The following RPH3AL variants were observed in gnomAD, a reference collection of about 807,000 sequenced individuals.
RPH3AL encodes rab effector Noc2.
A neutral mutation model predicts 43.1 loss-of-function variants in RPH3AL; 38 were observed. The observed-to-expected ratio is 0.88, with a 90% CI of 0.68 to 1.15. The LOEUF is 1.15. Ranked by LOEUF, RPH3AL falls within the 50% of genes most tolerant of loss-of-function variation. The pLI, the probability that RPH3AL is intolerant of heterozygous loss-of-function variation, is 0.00. For synonymous variants in RPH3AL, 189 were observed against 176.3 expected (o/e 1.07, Z -0.57); for missense variants, 462 against 423.2 (o/e 1.09, Z -0.81).
intron 1 of RPH3AL, among the ~76,000 whole-genome samples, chr17:342,544 G>A (rs34839721): frequency 0.3 from 45,261 of 152,118 alleles, 7,873 homozygotes; most frequent in Middle Eastern, 0.39. Context: ...ATGAAGTATC[G>A]ATTCATGCTA....
At position 321,560 on chromosome 17, in the gene RPH3AL, ATGG is replaced by A. The variant is rs1567521564; in HGVS notation, c.78-148_78-146del. 2.4e-5 allele frequency: 18 copies of A among 756,212 alleles called. 1 individual carries two copies. Among genetic ancestry groups the A allele is most frequent in the African/African-American group, 7.8e-5 (3 of 38,370 alleles). 46.8% of individuals were successfully genotyped at this position (756,212 alleles called of 1,614,324 possible). On this transcript the variant is annotated intron_variant, in intron 3 of 9. Transcript: ENST00000331302. ...GGGACGACGAGCGCGGGCAGCAGAGATGGCCCAGGTGGCAACAGAGATGGCCCA... is the reference window on the plus strand; with the variant it reads ...GGGACGACGAGCGCGGGCAGCAGAGACCCAGGTGGCAACAGAGATGGCCCA...
chr17:335,200 G>A (rs1027936607), intron 1 of RPH3AL, among the ~76,000 whole-genome samples: 17 of 152,192 alleles, frequency 1.1e-4, no homozygotes, highest in Non-Finnish European at 1.3e-4. Flanking sequence ...AAGGGGGCCC[G>A]GGTATGAGGG....
At chr17:228,384 AG>A (rs2151511185) in intron 7 of RPH3AL, among the ~76,000 whole-genome samples, 1 of 151,828 alleles carries the variant, frequency 6.6e-6, no homozygotes, top group African/African-American at 2.4e-5. Flanking sequence ...TCGCCTGCGG[AG>A]AGGGGGATGG....
At chr17:319,395 T>G (rs2044394818) in intron 5 of RPH3AL, 25 bp downstream of exon 5, 1 of 1,607,550 alleles carries the variant, frequency 6.2e-7, no homozygotes, top group Non-Finnish European at 8.5e-7. Flanking sequence ...GAAGCCAGAA[T>G]GACAGGGCCA....
At position 333,958 on chromosome 17, in the gene RPH3AL, TA is replaced by T. The variant is rs1220218384; in HGVS notation, c.-212-25del. On this transcript the variant is annotated intron_variant, in intron 1 of 9. Coordinates refer to ENST00000331302, the MANE Select transcript of RPH3AL (RefSeq NM_006987.4). This position sits in a 1 kb window ranked among gnomAD's most constrained non-coding sequence, Gnocchi z 4.5. ...CTCTATTCGCAAAAAAATAAATAAATAAAATAAAATAAAGGGCCTCTTCTTT... is the reference window on the plus strand; with the variant it reads ...CTCTATTCGCAAAAAAATAAATAAATAAATAAAATAAAGGGCCTCTTCTTT... The T allele has an allele frequency of 6.6e-6, 1 of 152,300 alleles. No homozygotes were observed. Among genetic ancestry groups the T allele is most frequent in the East Asian group, 1.9e-4 (1 of 5,200 alleles). 9.4% of individuals were successfully genotyped at this position (152,300 alleles called of 1,614,324 possible).
intron 1 of RPH3AL, among the ~76,000 whole-genome samples, chr17:340,484 C>T (rs71354715): frequency 0.19 from 1,434 of 7,660 alleles, 623 homozygotes; most frequent in Middle Eastern, 0.5. Flanking sequence ...TGCCCCCCAC[C>T]CAGGCCTCCC....
intron 6 of RPH3AL, among the ~76,000 whole-genome samples, chr17:260,484 G>A (rs189062154): frequency 1.2e-4 from 19 of 152,310 alleles, no homozygotes; most frequent in Admixed American, 7.2e-4. Flanking sequence ...GAAAGCAGAG[G>A]CACTGTCTCC....
intron 5 of RPH3AL, among the ~76,000 whole-genome samples, chr17:300,713 G>A (rs1372292880): frequency 2.1e-5 from 3 of 142,674 alleles, no homozygotes; most frequent in Non-Finnish European, 3.0e-5. Flanking sequence ...GCCTAGACCT[G>A]CAGAATCTCT....
chr17:286,332 C>A (rs1028753562), intron 5 of RPH3AL, among the ~76,000 whole-genome samples: 1 of 152,142 alleles, frequency 6.6e-6, no homozygotes, highest in African/African-American at 2.4e-5. Context: ...CTCCCCAGAT[C>A]GCGCCTCGGG....
chr17:326,660 C>G (rs1461918041), intron 3 of RPH3AL, among the ~76,000 whole-genome samples: 1 of 152,170 alleles, frequency 6.6e-6, no homozygotes, highest in African/African-American at 2.4e-5. Context: ...GCGGGTGGAT[C>G]ACTTGAGGTC....
intron 6 of RPH3AL, among the ~76,000 whole-genome samples, chr17:251,132 A>T (rs1302632832): frequency 6.6e-6 from 1 of 152,220 alleles, no homozygotes; most frequent in African/African-American, 2.4e-5. Flanking sequence ...GGTCCCTGGC[A>T]TGAATCCCTC....
chr17:222,232 TTAC>T, intron 7 of RPH3AL, among the ~76,000 whole-genome samples: 2 of 152,384 alleles, frequency 1.3e-5, no homozygotes, highest in South Asian at 4.1e-4. Context: ...GGAAACAGCA[TTAC>T]CCCCATTTCA....
Position 213,733 on chromosome 17 carries a change from G to C in RPH3AL, c.*119C>G, listed in dbSNP as rs1195957213. 1.2e-6 allele frequency: 1 copy of C among 810,672 alleles called. No homozygotes were observed. The highest frequency in any genetic ancestry group is 2.1e-6 in the Non-Finnish European group (1 of 480,306). 50.2% of individuals were successfully genotyped at this position (810,672 alleles called of 1,614,324 possible). A position where few individuals can be genotyped will look rare whatever the true frequency, so the allele number is the denominator to read the frequency against. Reference sequence around the variant, plus strand: ...GGGAGGCAGACGGCTCCCAACACTGGTTTGTTGAGTCATGGCCAACAGGGT... The same window carrying C: ...GGGAGGCAGACGGCTCCCAACACTGCTTTGTTGAGTCATGGCCAACAGGGT... On this transcript the variant is annotated 3_prime_UTR_variant, in exon 10 of 10. Transcript: ENST00000331302.
chr17:218,503 T>G (rs972110831), intron 8 of RPH3AL, among the ~76,000 whole-genome samples: 2 of 152,146 alleles, frequency 1.3e-5, no homozygotes, highest in Non-Finnish European at 2.9e-5. Context: ...TCATTCCTGT[T>G]TGGGGCAGTT....
At chr17:285,308 G>A (rs1014244470) in intron 5 of RPH3AL, among the ~76,000 whole-genome samples, 9 of 152,122 alleles carry the variant, frequency 5.9e-5, no homozygotes, top group Non-Finnish European at 1.2e-4. Context: ...GTTTGGGGAT[G>A]GCAGACCTGG....
At chr17:293,213 C>A (rs951897848) in intron 5 of RPH3AL, among the ~76,000 whole-genome samples, 2 of 152,200 alleles carry the variant, frequency 1.3e-5, no homozygotes, top group Non-Finnish European at 2.9e-5. Context: ...CTGTGGCTTT[C>A]AAGCTCGGCT....
chr17:282,553 G>A (rs573034269), intron 5 of RPH3AL, among the ~76,000 whole-genome samples: 1 of 152,298 alleles, frequency 6.6e-6, no homozygotes, highest in Admixed American at 6.5e-5. Context: ...CCCCACGCCT[G>A]GGAGCTTCAT....
intron 5 of RPH3AL, among the ~76,000 whole-genome samples, chr17:318,657 G>A (rs2044371543): frequency 6.6e-6 from 1 of 152,064 alleles, no homozygotes; most frequent in African/African-American, 2.4e-5. Flanking sequence ...GGATTAGAAG[G>A]CATATTATTC....
intron 4 of RPH3AL, among the ~76,000 whole-genome samples, chr17:320,486 T>C (rs1363875342): frequency 6.6e-6 from 1 of 151,522 alleles, no homozygotes; most frequent in Non-Finnish European, 1.5e-5. Flanking sequence ...AAAAATAAAA[T>C]AAAAAATAGC....
Sources: allele counts gnomAD v4.1 joint callset (sites outside exome capture counted in the v4.1 genomes callset), GRCh38; gene constraint gnomAD v4.1.1; non-coding constraint Gnocchi (gnomAD v3.1); transcripts MANE v1.5; gene names NCBI Gene and HGNC (gene_info 2026-07-23, HGNC 2026-07-21).